OR51B5: variants seen among roughly 807,000 people sequenced by gnomAD.
OR51B5 encodes olfactory receptor 51B5.
For synonymous variants in OR51B5, 186 were observed against 144.8 expected (o/e 1.28, Z -2.04); for missense variants, 456 against 374.6 (o/e 1.22, Z -1.79).
intron 1 of OR51B5, chr11:5,468,998 C>A (rs532527393): frequency 7.1e-5 from 24 of 336,400 alleles, no homozygotes; most frequent in African/African-American, 4.3e-4. Context: ...GTGGGCCACA[C>A]GGACATCAGT....
chr11:5,408,069 G>T (rs539756712), intron 1 of OR51B5, among the ~76,000 whole-genome samples: 2 of 150,138 alleles, frequency 1.3e-5, no homozygotes, highest in East Asian at 2.0e-4. Flanking sequence ...TTCACTGACC[G>T]TCCCTGAAGC....
intron 1 of OR51B5, among the ~76,000 whole-genome samples, chr11:5,474,063 T>A (rs1851268951): frequency 6.6e-6 from 1 of 152,170 alleles, no homozygotes; most frequent in African/African-American, 2.4e-5. Context: ...GAGATTTGAC[T>A]GATTTAACCT....
chr11:5,488,119 A>G (rs1264522365), intron 1 of OR51B5, among the ~76,000 whole-genome samples: 1 of 152,224 alleles, frequency 6.6e-6, no homozygotes, highest in Admixed American at 6.5e-5. Flanking sequence ...ATGTCTAGGT[A>G]CAAATACAGT....
intron 1 of OR51B5, chr11:5,351,436 G>T: frequency 8.1e-7 from 1 of 1,232,840 alleles, no homozygotes; most frequent in East Asian, 2.4e-5. Context: ...GAATTCTCAA[G>T]GAGCAACTTT....
intron 1 of OR51B5, among the ~76,000 whole-genome samples, chr11:5,451,429 G>T (rs1434017969): frequency 6.6e-6 from 1 of 152,108 alleles, no homozygotes; most frequent in Non-Finnish European, 1.5e-5. Context: ...TAGTCAAATG[G>T]GAGAAATAAG....
intron 1 of OR51B5, among the ~76,000 whole-genome samples, chr11:5,433,785 T>C (rs747963948): frequency 1.3e-5 from 2 of 152,014 alleles, no homozygotes; most frequent in Non-Finnish European, 2.9e-5. Flanking sequence ...TGAGCTATGA[T>C]TGCACCACTG....
At chr11:5,364,595 GCGTGAGAGGTAT>G (rs1849338594) in intron 1 of OR51B5, among the ~76,000 whole-genome samples, 10 of 82,078 alleles carry the variant, frequency 1.2e-4, no homozygotes, top group Admixed American at 1.1e-3. Context: ...AATAAACTAA[GCGTGAGAGGTAT>G]TTATGTGTCT....
intron 1 of OR51B5, among the ~76,000 whole-genome samples, chr11:5,368,589 G>C (rs10500638): frequency 2.0e-5 from 3 of 151,880 alleles, no homozygotes; most frequent in African/African-American, 7.3e-5. Flanking sequence ...TCTCACAATC[G>C]TAATACTTGA....
Position 5,351,851 on chromosome 11 carries a change from C to T in OR51B5, n.85-4941G>A, listed in dbSNP as rs751155441. ...GTCATGGAGTCAGGTGTCTTGCTTG[C>T]CATGGCTTATGACTGTTTCATTACC... On this transcript the variant is annotated intron_variant and non_coding_transcript_variant, in intron 1 of 4. Transcript: ENST00000415970. 6.8e-6 allele frequency: 11 copies of T among 1,613,804 alleles called. No homozygotes were observed. In the South Asian group the frequency reaches 1.1e-4, roughly 16 times the overall value.
chr11:5,378,535 T>C (rs573606986), intron 1 of OR51B5, among the ~76,000 whole-genome samples: 2 of 152,098 alleles, frequency 1.3e-5, no homozygotes, highest in East Asian at 1.9e-4. Flanking sequence ...ACCTACACAA[T>C]GGGAGAAAAT....
intron 1 of OR51B5, among the ~76,000 whole-genome samples, chr11:5,352,875 G>C (rs561073029): frequency 6.9e-6 from 1 of 144,234 alleles, no homozygotes; most frequent in Admixed American, 7.0e-5. Flanking sequence ...GTATCTGTGT[G>C]TGTTTATATA....
At chr11:5,410,786 AG>A (rs1850137292) in intron 1 of OR51B5, among the ~76,000 whole-genome samples, 1 of 152,188 alleles carries the variant, frequency 6.6e-6, no homozygotes, top group South Asian at 2.1e-4. Flanking sequence ...GATCCCGTGT[AG>A]GTCTAGGCTA....
At chr11:5,486,419 C>CT (rs397731090) in intron 1 of OR51B5, among the ~76,000 whole-genome samples, 2 of 151,214 alleles carry the variant, frequency 1.3e-5, no homozygotes, top group African/African-American at 2.4e-5. Flanking sequence ...TGGTATGTGC[C>CT]GCTAAATACT....
chr11:5,491,441 T>C (rs570155160), intron 1 of OR51B5, among the ~76,000 whole-genome samples: 7 of 152,140 alleles, frequency 4.6e-5, no homozygotes, highest in Non-Finnish European at 8.8e-5. Flanking sequence ...AGTCATGTCT[T>C]GGCCCAGAGA....
intron 1 of OR51B5, among the ~76,000 whole-genome samples, chr11:5,399,633 C>T (rs1408581552): frequency 1.3e-5 from 2 of 151,988 alleles, no homozygotes; most frequent in African/African-American, 4.8e-5. Flanking sequence ...CCTTTTGTAA[C>T]CTTTCAAGCT....
intron 1 of OR51B5, among the ~76,000 whole-genome samples, chr11:5,482,635 A>G (rs1399367629): frequency 1.7e-5 from 2 of 116,838 alleles, no homozygotes; most frequent in Non-Finnish European, 3.5e-5. Context: ...TCCAGAATCT[A>G]CAATGAACTC....
intron 1 of OR51B5, among the ~76,000 whole-genome samples, chr11:5,395,357 C>T (rs1286666656): frequency 6.6e-6 from 1 of 152,180 alleles, no homozygotes; most frequent in East Asian, 1.9e-4. Context: ...GCTGAAGGTC[C>T]TTTGTTTTGT....
intron 1 of OR51B5, among the ~76,000 whole-genome samples, chr11:5,434,374 C>T (rs965306591): frequency 1.3e-5 from 2 of 152,196 alleles, no homozygotes; most frequent in Admixed American, 1.3e-4. Context: ...ATCCACTAGA[C>T]CACTCAGCAT....
At chr11:5,426,910 A>G (rs1850459318) in intron 1 of OR51B5, among the ~76,000 whole-genome samples, 1 of 152,248 alleles carries the variant, frequency 6.6e-6, no homozygotes, top group Non-Finnish European at 1.5e-5. Context: ...AGTTGTCATC[A>G]CATCCAGATA....
Sources: allele counts gnomAD v4.1 joint callset (sites outside exome capture counted in the v4.1 genomes callset), GRCh38; gene constraint gnomAD v4.1.1; transcripts MANE v1.5; gene names NCBI Gene and HGNC (gene_info 2026-07-23, HGNC 2026-07-21).